Variants in MAN1A1 observed in about 807,000 individuals in gnomAD.
MAN1A1 encodes the protein mannosidase alpha class 1A member 1, also known as mannosyl-oligosaccharide 1,2-alpha-mannosidase IA.
A neutral mutation model predicts 70.8 loss-of-function variants in MAN1A1; 29 were observed. The observed-to-expected ratio is 0.41, with a 90% CI of 0.31 to 0.56. The LOEUF (loss-of-function observed/expected upper bound fraction) is 0.56, where lower values mean the gene tolerates loss of function less well. Ranked by LOEUF, MAN1A1 falls within the 20% of genes least tolerant of loss-of-function variation. The pLI is 0.29. For synonymous variants in MAN1A1, 349 were observed against 330.1 expected, an observed-to-expected ratio of 1.06 and a Z score of -0.62; for missense variants, 747 against 841.3, an observed-to-expected ratio of 0.89 and a Z score of 1.39.
intron 5 of MAN1A1, among the ~76,000 whole-genome samples, chr6:119,271,293 A>C (rs773081080): frequency 6.6e-6 from 1 of 152,232 alleles, no homozygotes; most frequent in African/African-American, 2.4e-5. Context: ...AATGCTTAAA[A>C]GACATTTATT....
Position 119,349,522 on chromosome 6 carries a change from C to T in MAN1A1, c.-223+20G>A, listed in dbSNP as rs949311091. 8 of 985,748 alleles carry T rather than the reference C, an allele frequency of 8.1e-6. No homozygotes were observed. Among genetic ancestry groups the T allele is most frequent in the Non-Finnish European group, 9.6e-6 (8 of 829,888 alleles). The allele number at this position is 985,748 out of a possible 1,614,324, so 61.1% of individuals were successfully genotyped here. ...AGGGGTCAGGGCAGCGCGCGAGCAC[C>T]TCGGGGAGGGGCAGCGCACCTCTGG... On this transcript the variant is annotated intron_variant, in intron 1 of 12. Coordinates refer to ENST00000368468, the MANE Select transcript of MAN1A1 (RefSeq NM_005907.4).
chr6:119,347,469 T>C (rs1177678947), intron 2 of MAN1A1, among the ~76,000 whole-genome samples: 1 of 152,256 alleles, frequency 6.6e-6, no homozygotes, highest in Non-Finnish European at 1.5e-5. Flanking sequence ...ATGCTTTTAA[T>C]GTGGTTCCTA....
At position 119,348,813 on chromosome 6, in the gene MAN1A1, C is replaced by A. The variant is rs771373468; in HGVS notation, c.253G>T (p.Asp85Tyr). ...HSSPALQPAA[D>Y]HKPGPGARAE... is the part of the protein sequence containing the mutation. ...CGCGCCCCGGGCCCGGGCTTGTGGT[C>A]GGCGGCCGGCTGCAAGGCGGGGCTG... The change falls in exon 2 of 13, where the codon GAC (aspartate) becomes TAC (tyrosine). Residue 85 changes from aspartate to tyrosine, a missense_variant. Physicochemically the swap from Asp to Tyr is radical, Grantham distance 160. Transcript: ENST00000368468. 1 of 1,451,968 alleles carries A rather than the reference C, an allele frequency of 6.9e-7. No homozygotes were observed. The highest frequency in any genetic ancestry group is 1.4e-5 in the South Asian group (1 of 69,402). 89.9% of individuals were successfully genotyped at this position (1,451,968 alleles called of 1,614,324 possible). A position where few individuals can be genotyped will look rare whatever the true frequency, so the allele number is the denominator to read the frequency against.
At chr6:119,340,789 A>G (rs980333234) in intron 2 of MAN1A1, among the ~76,000 whole-genome samples, 1 of 152,242 alleles carries the variant, frequency 6.6e-6, no homozygotes, top group Admixed American at 6.5e-5. Context: ...CTAATTAGTG[A>G]CCCACATAAA....
chr6:119,221,086 A>G (rs1228242910), intron 6 of MAN1A1, among the ~76,000 whole-genome samples: 1 of 150,810 alleles, frequency 6.6e-6, no homozygotes, highest in Admixed American at 6.6e-5. Context: ...CAGGTCAACA[A>G]CAGTTACAAG....
intron 2 of MAN1A1, among the ~76,000 whole-genome samples, chr6:119,309,630 G>A (rs1772646940): frequency 6.6e-6 from 1 of 152,102 alleles, no homozygotes; most frequent in Admixed American, 6.5e-5. Context: ...AATTTCAAAT[G>A]CAGTAGTGAA....
intron 9 of MAN1A1, among the ~76,000 whole-genome samples, chr6:119,190,453 A>C (rs947997170): frequency 2.0e-5 from 3 of 152,192 alleles, no homozygotes; most frequent in Non-Finnish European, 2.9e-5. Flanking sequence ...TTTGCTTACT[A>C]TATCTCTAAA....
rs777365284 is a variant in MAN1A1 at position 119,290,709 on chromosome 6, A to T, written c.871T>A (p.Ser291Thr). The T allele has an allele frequency of 9.9e-6, 16 of 1,611,212 alleles. No individual in the cohort carries two copies. The highest frequency in any genetic ancestry group is 4.4e-5 in the South Asian group (4 of 90,828). The part of the protein sequence containing the change: ...VNIRFVGGLL[S>T]AYYLSGEEIF... ...TCTTCTCCAGACAGATAGTAGGCTG[A>T]GAGTAGTCCACCAACAAAGCGTATA... Residue 291 changes from serine to threonine, a missense_variant, in exon 5 of 13, where the codon TCA becomes ACA. Ser to Thr is a moderately conservative substitution (Grantham distance 58). Transcript: ENST00000368468.
At chr6:119,345,464 AATTCT>A (rs1773703340) in intron 2 of MAN1A1, among the ~76,000 whole-genome samples, 1 of 152,210 alleles carries the variant, frequency 6.6e-6, no homozygotes, top group African/African-American at 2.4e-5. Flanking sequence ...GGAAGATCTT[AATTCT>A]ATTTTGAAGT....
intron 2 of MAN1A1, among the ~76,000 whole-genome samples, chr6:119,322,154 A>C (rs1398075926): frequency 6.6e-6 from 1 of 152,098 alleles, no homozygotes; most frequent in African/African-American, 2.4e-5. Flanking sequence ...AGAACCATTC[A>C]TTCCTTCCAC....
At chr6:119,281,436 G>T (rs1391948054) in intron 5 of MAN1A1, among the ~76,000 whole-genome samples, 1 of 152,156 alleles carries the variant, frequency 6.6e-6, no homozygotes, top group Non-Finnish European at 1.5e-5. Flanking sequence ...TCTGGCCAAT[G>T]ACATGTAAGC....
rs17080995 is a variant in MAN1A1 at position 119,312,309 on chromosome 6, G to C, written c.604-5317C>G. On this transcript the variant is annotated intron_variant, in intron 2 of 12. Coordinates refer to ENST00000368468, the MANE Select transcript of MAN1A1 (RefSeq NM_005907.4). ...CATCAAACTTTGCTTAAAATTACTTGGCTGTCATATAAAAGTAACTTCTAG... is the reference window on the plus strand; with the variant it reads ...CATCAAACTTTGCTTAAAATTACTTCGCTGTCATATAAAAGTAACTTCTAG... Among the ~76,000 whole-genome samples the C allele has an allele frequency of 5.9e-3, 895 of 152,256 alleles. 31 individuals carry two copies. In the East Asian group the frequency reaches 0.09, roughly 15 times the overall value.
chr6:119,198,601 C>T, intron 8 of MAN1A1, among the ~76,000 whole-genome samples: 1 of 152,160 alleles, frequency 6.6e-6, no homozygotes, highest in African/African-American at 2.4e-5. Context: ...ATTACATGCC[C>T]ATTATGTTAA....
At chr6:119,310,981 G>C (rs373503838) in intron 2 of MAN1A1, among the ~76,000 whole-genome samples, 6 of 152,174 alleles carry the variant, frequency 3.9e-5, no homozygotes, top group African/African-American at 1.4e-4. Context: ...GCGTAAAAGC[G>C]GGTCACGGGC....
intron 5 of MAN1A1, among the ~76,000 whole-genome samples, chr6:119,287,523 A>G (rs1331118003): frequency 6.6e-6 from 1 of 151,814 alleles, no homozygotes; most frequent in Admixed American, 6.6e-5. Flanking sequence ...AATAATTCTA[A>G]TTTACTGTTA....
intron 6 of MAN1A1, among the ~76,000 whole-genome samples, chr6:119,244,568 T>G (rs892048216): frequency 1.3e-5 from 2 of 152,128 alleles, no homozygotes; most frequent in Non-Finnish European, 2.9e-5. Context: ...GAACCGCTTT[T>G]GGGATAGAGT....
intron 2 of MAN1A1, among the ~76,000 whole-genome samples, chr6:119,321,438 A>C (rs147826522): frequency 6.6e-6 from 1 of 152,202 alleles, no homozygotes; most frequent in African/African-American, 2.4e-5. Context: ...CCAAACCAGA[A>C]GGATATTTTA....
In MAN1A1 at chr6:119,348,446, T is replaced by C. The variant is rs774821984; in HGVS notation, c.603+17A>G. 24 of 1,564,894 alleles carry C rather than the reference T, an allele frequency of 1.5e-5. No individual in the cohort carries two copies. Among genetic ancestry groups the C allele is most frequent in the East Asian group, 2.3e-5 (1 of 42,732 alleles). ...AACACGGCCGGTCGGGAGGGATTTC[T>C]GGCGCGGCCCACTCACCTCTTTGAT... On this transcript the variant is annotated intron_variant, in intron 2 of 12. Transcript: ENST00000368468.
At chr6:119,276,759 A>C (rs1344290132) in intron 5 of MAN1A1, among the ~76,000 whole-genome samples, 1 of 152,234 alleles carries the variant, frequency 6.6e-6, no homozygotes, top group Non-Finnish European at 1.5e-5. Flanking sequence ...GTAATTTATA[A>C]ATTAGAGCAA....
Sources: gnomAD v4.1 joint callset for allele counts (sites outside exome capture counted in the v4.1 genomes callset) on GRCh38, gnomAD v4.1.1 for gene constraint, MANE v1.5 for transcripts, NCBI Gene and HGNC (gene_info 2026-07-23, HGNC 2026-07-21) for gene names.